CHRM3: variants seen among roughly 807,000 people sequenced by gnomAD.
CHRM3 encodes the protein cholinergic receptor muscarinic 3.
In CHRM3, 11 loss-of-function variants were observed where a neutral mutation model predicts 41.8. The ratio of observed to expected loss-of-function variants is 0.26; its 90% CI spans 0.17 to 0.44. The LOEUF (loss-of-function observed/expected upper bound fraction) is 0.44. Among genes scored for constraint, CHRM3 ranks in the 20% least tolerant of loss-of-function variants. The pLI, the probability that CHRM3 is intolerant of heterozygous loss-of-function variation, is 1.00. For synonymous variants in CHRM3, 297 were observed against 301.4 expected (o/e 0.99, Z 0.15); for missense variants, 571 against 745.4 (o/e 0.77, Z 2.72).
At chr1:239,529,628 A>AAAAC (rs1309656206) in intron 2 of CHRM3, among the ~76,000 whole-genome samples, 11 of 46,822 alleles carry the variant, frequency 2.3e-4, no homozygotes, top group African/African-American at 5.2e-4. Context: ...AAAAAAAAAA[A>AAAAC]AAACAAACAA....
At position 239,870,985 on chromosome 1, in the gene CHRM3, C is replaced by A. The variant is rs72760709; in HGVS notation, c.-19-36448C>A. ...CTTCTCCTGGCGTCACCCAGACTGG[C>A]GGGGACGTGCTGCTCTTCCTGACCC... On this transcript the variant is annotated intron_variant, in intron 6 of 6. Transcript: ENST00000676153. Among the ~76,000 whole-genome samples, 871 of 152,148 alleles carry A rather than the reference C, an allele frequency of 5.7e-3. 8 individuals are homozygous for A. Among genetic ancestry groups the A allele is most frequent in the Middle Eastern group, 0.01 (3 of 294 alleles).
chr1:239,493,997 C>T (rs1390331744), intron 2 of CHRM3, among the ~76,000 whole-genome samples: 3 of 152,126 alleles, frequency 2.0e-5, no homozygotes, highest in African/African-American at 7.2e-5. Context: ...AGGGCTAACT[C>T]ACAGGCAATG....
chr1:239,531,639 A>ATGTTTTTTTT (rs1670414216), intron 2 of CHRM3, among the ~76,000 whole-genome samples: 1 of 55,880 alleles, frequency 1.8e-5, no homozygotes, highest in Non-Finnish European at 3.0e-5. Context: ...TCTAGAATGG[A>ATGTTTTTTTT]TTTTTTTTTT....
intron 1 of CHRM3, among the ~76,000 whole-genome samples, chr1:239,428,849 T>G (rs992518763): frequency 9.9e-5 from 15 of 152,226 alleles, no homozygotes; most frequent in Non-Finnish European, 2.1e-4. Flanking sequence ...TTTTATATAG[T>G]GTTTCCTTGT....
intron 1 of CHRM3, among the ~76,000 whole-genome samples, chr1:239,480,804 C>T (rs1013999570): frequency 4.6e-5 from 7 of 151,866 alleles, no homozygotes; most frequent in South Asian, 4.2e-4. Context: ...GTGATCTGCC[C>T]GCCTCGGCCT....
intron 2 of CHRM3, among the ~76,000 whole-genome samples, chr1:239,507,637 A>G (rs11807305): frequency 0.09 from 13,723 of 152,216 alleles, 1,588 homozygotes; most frequent in African/African-American, 0.27. Context: ...TGGGTTATGT[A>G]CCTACTGTGT....
chr1:239,682,965 C>T (rs975601501), intron 5 of CHRM3, among the ~76,000 whole-genome samples: 1 of 152,054 alleles, frequency 6.6e-6, no homozygotes, highest in African/African-American at 2.4e-5. Context: ...CATATCATGT[C>T]ACCTCATTTA....
In CHRM3 at chr1:239,697,500, AAGG is replaced by A. The variant is rs527350143; in HGVS notation, c.-147+19215_-147+19217del. ...AAAATCACCATTTAGCATGTTTCAG[AAGG>A]AGAAGCATTTGAGCAAAAAATGATA... On this transcript the variant is annotated intron_variant, in intron 5 of 6. Coordinates refer to ENST00000676153, the MANE Select transcript of CHRM3 (RefSeq NM_001375978.1). 1.3e-3 allele frequency among the ~76,000 whole-genome samples: 192 copies of A among 149,894 alleles called. 1 individual carries two copies. The highest frequency in any genetic ancestry group is 3.9e-3 in the South Asian group (19 of 4,818).
chr1:239,538,988 C>T (rs763183837), intron 2 of CHRM3, among the ~76,000 whole-genome samples: 9 of 152,080 alleles, frequency 5.9e-5, no homozygotes, highest in Non-Finnish European at 1.3e-4. Flanking sequence ...TTCGTATAAC[C>T]CTTTCAATTA....
At chr1:239,472,961 A>T (rs888578338) in intron 1 of CHRM3, among the ~76,000 whole-genome samples, 1 of 152,198 alleles carries the variant, frequency 6.6e-6, no homozygotes, top group African/African-American at 2.4e-5. Context: ...CAATGAAATA[A>T]CAAAGAAAGA....
At chr1:239,471,452 T>C (rs1233237471) in intron 1 of CHRM3, among the ~76,000 whole-genome samples, 1 of 152,218 alleles carries the variant, frequency 6.6e-6, no homozygotes, top group Non-Finnish European at 1.5e-5. Context: ...CCCCATGGAA[T>C]GACGCACAGT....
At chr1:239,874,300 T>TATATATCTATATACACAGTATATAG (rs1553291970) in intron 6 of CHRM3, among the ~76,000 whole-genome samples, 24 of 110,548 alleles carry the variant, frequency 2.2e-4, no homozygotes, top group Non-Finnish European at 2.7e-4. Context: ...TATATATATA[T>TATATATCTATATACACAGTATATAG]ATATATATAT....
At chr1:239,506,698 C>A (rs894287522) in intron 2 of CHRM3, among the ~76,000 whole-genome samples, 34 of 152,112 alleles carry the variant, frequency 2.2e-4, no homozygotes, top group African/African-American at 7.7e-4. Flanking sequence ...CCTCCAGAAC[C>A]CAGAGTGGTA....
chr1:239,522,093 A>G (rs1383917921), intron 2 of CHRM3, among the ~76,000 whole-genome samples: 1 of 152,164 alleles, frequency 6.6e-6, no homozygotes, highest in Non-Finnish European at 1.5e-5. Context: ...CCCCTATCAA[A>G]AGATGGGTGT....
intron 6 of CHRM3, among the ~76,000 whole-genome samples, chr1:239,850,854 A>G (rs1269626305): frequency 6.6e-6 from 1 of 152,158 alleles, no homozygotes; most frequent in Non-Finnish European, 1.5e-5. Context: ...TCCCAGCCAT[A>G]CAGAACTGTG....
chr1:239,706,229 GTTA>G (rs1198843804), intron 5 of CHRM3: 2 of 150,326 alleles, frequency 1.3e-5, no homozygotes, highest in East Asian at 1.9e-4. Flanking sequence ...TTATAATTAT[GTTA>G]TTATTACATT....
In CHRM3 at chr1:239,729,970, T is replaced by C. The variant is rs142378156; in HGVS notation, c.-147+51682T>C. On this transcript the variant is annotated intron_variant, in intron 5 of 6. Transcript: ENST00000676153. The stretch of plus-strand genomic sequence containing the variant: ...TTCTAACTGTGTATCTGAATTTTCT[T>C]CATTTGTATCAACCAAAACAACTAT... Among the ~76,000 whole-genome samples, 54 of 152,072 alleles carry C rather than the reference T, an allele frequency of 3.6e-4. No individual in the cohort carries two copies. In the East Asian group the frequency reaches 4.5e-3, roughly 13 times the overall value.
At chr1:239,815,317 G>A (rs1671488772) in intron 5 of CHRM3, among the ~76,000 whole-genome samples, 1 of 152,218 alleles carries the variant, frequency 6.6e-6, no homozygotes, top group Admixed American at 6.5e-5. Context: ...CGGAGGAAAT[G>A]TGTGACTTTA....
chr1:239,670,152 A>G (rs545334663), intron 4 of CHRM3, among the ~76,000 whole-genome samples: 3 of 152,310 alleles, frequency 2.0e-5, no homozygotes, highest in African/African-American at 7.2e-5. Context: ...AGATTAGAGA[A>G]GTTTATCTAC....
Sources: allele counts gnomAD v4.1 joint callset (sites outside exome capture counted in the v4.1 genomes callset), GRCh38; gene constraint gnomAD v4.1.1; transcripts MANE v1.5; gene names NCBI Gene and HGNC (gene_info 2026-07-23, HGNC 2026-07-21).